TEP1: variants seen among roughly 807,000 people sequenced by gnomAD.
The protein encoded by TEP1 is telomerase associated protein 1, also known as telomerase protein component 1.
A neutral mutation model predicts 306.3 loss-of-function variants in TEP1; 241 were observed. The ratio of observed to expected loss-of-function variants is 0.79; its 90% confidence interval spans 0.71 to 0.88. The LOEUF (loss-of-function observed/expected upper bound fraction) is 0.88, where lower values mean the gene tolerates loss of function less well. TEP1 is among the 40% of genes least tolerant of loss of function. The pLI, the probability that TEP1 is intolerant of heterozygous loss-of-function variation, is 0.00. For missense variants in TEP1, 3,051 were observed against 3,276.1 expected, an observed-to-expected ratio of 0.93 and a Z score of 1.68; for synonymous variants, 1,289 against 1,305.5, an observed-to-expected ratio of 0.99 and a Z score of 0.27.
At chr14:20,398,282 G>A (rs1878374148) in intron 9 of TEP1, among the ~76,000 whole-genome samples, 1 of 151,234 alleles carries the variant, frequency 6.6e-6, no homozygotes, top group Non-Finnish European at 1.5e-5. Flanking sequence ...GGAGGCTGAA[G>A]CAGGAGAATC....
At chr14:20,373,918 T>A (rs1885019015) in intron 44 of TEP1, 108 bp from the exon 45 acceptor site, 1 of 1,443,916 alleles carries the variant, frequency 6.9e-7, no homozygotes, top group Non-Finnish European at 9.4e-7. Context: ...AAGATGTCAA[T>A]GAGGGAGGAG....
chr14:20,383,907 C>T lies in TEP1; in HGVS notation c.3546G>A (p.Val1182=), dbSNP rs1225062081. ...QGKTAFLASL[V]SALQAPDGAK... Reference sequence around the variant, plus strand: ...CCCCATCAGGAGCCTGCAGGGCTGACACAAGAGATGCCTGCATGGGACAGG... The same window carrying T: ...CCCCATCAGGAGCCTGCAGGGCTGATACAAGAGATGCCTGCATGGGACAGG... The change falls in exon 25 of 55, where the codon GTG becomes GTA. Residue 1182 remains valine, a synonymous_variant. Transcript: ENST00000262715. 1.3e-6 allele frequency: 2 copies of T among 1,599,682 alleles called. No homozygotes were observed. Among genetic ancestry groups the T allele is most frequent in the Non-Finnish European group, 1.7e-6 (2 of 1,178,466 alleles).
Position 20,377,651 on chromosome 14 carries a change from C to A in TEP1, c.5824G>T (p.Val1942Leu), listed in dbSNP as rs1885264574. 5 of 1,614,160 alleles carry A rather than the reference C, an allele frequency of 3.1e-6. No individual in the cohort carries two copies. Among genetic ancestry groups the A allele is most frequent in the Non-Finnish European group, 3.4e-6 (4 of 1,180,038 alleles). ...CCATCCGCTCGATATCCAACAGCCA[C>A]CCGATCACCATCTGGGCTGAGTGCC... ...SVALSPDGDR[V>L]AVGYRADGIR... Residue 1942 changes from valine to leucine, a missense_variant, in exon 40 of 55, where the codon GTG becomes TTG. Val to Leu is a conservative substitution (Grantham distance 32, BLOSUM62 1). Transcript: ENST00000262715.
intron 15 of TEP1, 111 bp downstream of exon 15, chr14:20,390,570 G>A: frequency 9.9e-7 from 1 of 1,010,110 alleles, no homozygotes; most frequent in Non-Finnish European, 1.5e-6. Context: ...GAGCTGATCT[G>A]ACTATTGTAT....
rs1487828796 is a variant in TEP1, at chr14:20,403,445, TC to T, written c.1197del (p.Met400TrpfsTer14). 3.1e-6 allele frequency: 5 copies of T among 1,614,130 alleles called. No individual in the cohort carries two copies. The highest frequency in any genetic ancestry group is 4.2e-6 in the Non-Finnish European group (5 of 1,180,012). Reference sequence around the variant, plus strand: ...CATCTGTGAGAAAATGGAGGCTCCATCCCCTGTAGGGACAGGAGAAGCAATT... The same window carrying T: ...CATCTGTGAGAAAATGGAGGCTCCATCCCTGTAGGGACAGGAGAAGCAATT... ...RHPRRPPRSP[G>X]MEPPFSHRCF... On this transcript the variant is annotated frameshift_variant and splice_region_variant, in exon 7 of 55. Transcript: ENST00000262715. LOFTEE classifies it high-confidence loss of function.
At position 20,376,112 on chromosome 14, in the gene TEP1, G is replaced by C; in HGVS notation, c.6241C>G (p.Arg2081Gly). ...ATCCTTCTGCAGCTCACCCGATCCC[G>C]GCCCCCGGTGGCCAGGCTGCCTCCA... ...TDGGSLATGG[R>G]DRSLLCWDVR... The change falls in exon 42 of 55, where the codon CGG (arginine) becomes GGG (glycine). Residue 2081 changes from arginine to glycine, a missense_variant. Physicochemically the swap from Arg to Gly is moderately radical, Grantham distance 125 (BLOSUM62 -2). Transcript: ENST00000262715. 6.2e-7 allele frequency: 1 copy of C among 1,613,870 alleles called. No homozygotes were observed.
intron 9 of TEP1, among the ~76,000 whole-genome samples, chr14:20,399,740 G>A (rs1434269917): frequency 6.6e-6 from 1 of 151,544 alleles, no homozygotes; most frequent in African/African-American, 2.4e-5. Context: ...GCCACCACGG[G>A]ATTAGACTAT....
intron 19 of TEP1, 90 bp from the exon 20 acceptor site, chr14:20,386,285 C>T (rs1357031814): frequency 5.0e-6 from 8 of 1,600,154 alleles, no homozygotes; most frequent in Non-Finnish European, 6.8e-6. Flanking sequence ...GGCCCTGACT[C>T]GCAACTGAGT....
At chr14:20,384,317 T>C (rs1876914558) in intron 23 of TEP1, 74 bp downstream of exon 23, 1 of 1,609,576 alleles carries the variant, frequency 6.2e-7, no homozygotes, top group Admixed American at 1.7e-5. Context: ...CCCGCCAAGC[T>C]ACTTCCTCCC....
At position 20,374,553 on chromosome 14, in the gene TEP1, C is replaced by T. The variant is rs1566442450; in HGVS notation, c.6364-17G>A. On this transcript the variant is annotated splice_polypyrimidine_tract_variant and intron_variant, in intron 43 of 54. Transcript: ENST00000262715. ...GCAGGATATCTACAGAGTCAGAAGT[C>T]AGAGGAGTGGGATTATCAGCATCCC... The T allele has an allele frequency of 3.2e-6, 5 of 1,584,428 alleles. No individual in the cohort carries two copies. The highest frequency in any genetic ancestry group is 4.3e-6 in the Non-Finnish European group (5 of 1,157,518).
chr14:20,377,886 C>T (rs1370634030), intron 39 of TEP1, 133 bp from the exon 40 acceptor site: 10 of 1,420,394 alleles, frequency 7.0e-6, no homozygotes, highest in East Asian at 4.6e-5. Context: ...CTGCACACAG[C>T]GGCACCCCTC....
chr14:20,378,550 G>A lies in TEP1; in HGVS notation c.5353-15C>T, dbSNP rs1198805930. On this transcript the variant is annotated splice_polypyrimidine_tract_variant and intron_variant, in intron 37 of 54. Coordinates refer to ENST00000262715, the MANE Select transcript of TEP1 (RefSeq NM_007110.5). ...GTGTCCCACAGCTGAGGGAGAGAGAGGAGGAATCAGGATGCTGAAGAGAGA... is the reference window on the plus strand; with the variant it reads ...GTGTCCCACAGCTGAGGGAGAGAGAAGAGGAATCAGGATGCTGAAGAGAGA... 1 of 1,614,066 alleles carries A rather than the reference G, an allele frequency of 6.2e-7. No individual in the cohort carries two copies. Among genetic ancestry groups the A allele is most frequent in the East Asian group, 2.2e-5 (1 of 44,882 alleles).
intron 12 of TEP1, among the ~76,000 whole-genome samples, chr14:20,394,636 C>A (rs1328443144): frequency 6.6e-6 from 1 of 152,128 alleles, no homozygotes; most frequent in Non-Finnish European, 1.5e-5. Context: ...CCCACCACCA[C>A]ACCCGGCTAA....
chr14:20,407,831 A>T, intron 2 of TEP1, 42 bp downstream of exon 2: 1 of 1,493,124 alleles, frequency 6.7e-7, no homozygotes, highest in East Asian at 2.3e-5. Context: ...AGAGCATACA[A>T]CAGACATGGC....
At chr14:20,387,852 A>G (rs1417227885) in intron 18 of TEP1, 53 bp downstream of exon 18, 1 of 1,540,702 alleles carries the variant, frequency 6.5e-7, no homozygotes, top group Non-Finnish European at 8.7e-7. Context: ...GGGTTTCCCA[A>G]GGTTTGACTG....
Position 20,389,268 on chromosome 14 carries a change from G to C in TEP1, c.2495C>G (p.Thr832Arg). The change falls in exon 17 of 55, where the codon ACA (threonine) becomes AGA (arginine). Residue 832 changes from threonine (T) to arginine (R), a missense_variant. Physicochemically the swap from Thr to Arg is moderately conservative, Grantham distance 71 (BLOSUM62 -1). Coordinates refer to ENST00000262715, the MANE Select transcript of TEP1 (RefSeq NM_007110.5). ...TATCGCATCAGTACAGCCTGAGAGT[G>C]TCACATCATTGGGATTCAAATCTGT... ...LSTDLNPNDV[T>R]LSGCTDAILK... The C allele has an allele frequency of 6.2e-7, 1 of 1,614,158 alleles. No homozygotes were observed. The highest frequency in any genetic ancestry group is 8.5e-7 in the Non-Finnish European group (1 of 1,180,022).
chr14:20,373,258 A>G lies in TEP1; in HGVS notation c.6814+12T>C, dbSNP rs1037943793. 5.6e-6 allele frequency: 9 copies of G among 1,613,586 alleles called. No homozygotes were observed. Among genetic ancestry groups the G allele is most frequent in the African/African-American group, 1.3e-5 (1 of 74,884 alleles). ...CAGTAACACACCCTGTCTCTCTCCAAGCCTCACTCACCTGCTTCCTTAGGA... is the reference window on the plus strand; with the variant it reads ...CAGTAACACACCCTGTCTCTCTCCAGGCCTCACTCACCTGCTTCCTTAGGA... On this transcript the variant is annotated intron_variant, in intron 47 of 54. Transcript: ENST00000262715.
intron 27 of TEP1, among the ~76,000 whole-genome samples, 175 bp from the exon 28 acceptor site, chr14:20,382,890 G>A (rs1217877764): frequency 6.6e-6 from 1 of 152,108 alleles, no homozygotes; most frequent in Non-Finnish European, 1.5e-5. Context: ...GCTCTGCCCA[G>A]CCAGCCCTGC....
At chr14:20,368,760 G>GCA in intron 54 of TEP1, 38 bp downstream of exon 54, 7 of 1,303,458 alleles carry the variant, frequency 5.4e-6, no homozygotes, top group Non-Finnish European at 6.2e-6. Flanking sequence ...GTGTGCAGGC[G>GCA]CACGCACACA....
Sources: gnomAD v4.1 joint callset for allele counts (sites outside exome capture counted in the v4.1 genomes callset) on GRCh38, gnomAD v4.1.1 for gene constraint, MANE v1.5 for transcripts, NCBI Gene and HGNC (gene_info 2026-07-23, HGNC 2026-07-21) for gene names.